Variants in CLOCK observed in about 807,000 individuals in gnomAD.
CLOCK encodes circadian locomoter output cycles protein kaput.
Under a neutral mutation model 118.4 loss-of-function variants are expected in CLOCK, and 43 were observed. The observed-to-expected ratio is 0.36, with a 90% CI of 0.28 to 0.47. CLOCK has a LOEUF of 0.47. Ranked by LOEUF, CLOCK falls within the 20% of genes least tolerant of loss-of-function variation. CLOCK has a pLI of 1.00. For synonymous variants in CLOCK, 326 were observed against 339.2 expected, an observed-to-expected ratio of 0.96 and a Z score of 0.43; for missense variants, 846 against 999.9, an observed-to-expected ratio of 0.85 and a Z score of 2.08.
chr4:55,545,794 AC>A (rs1731577974), intron 1 of CLOCK: 1 of 152,260 alleles, frequency 6.6e-6, no homozygotes, highest in African/African-American at 2.4e-5. Context: ...ACTCCAGAAA[AC>A]CCAGCTTCAC....
intron 1 of CLOCK, among the ~76,000 whole-genome samples, chr4:55,546,156 C>T (rs1731605994): frequency 6.6e-6 from 1 of 152,170 alleles, no homozygotes; most frequent in South Asian, 2.1e-4. Flanking sequence ...GTCACAAGGC[C>T]TAGCGGGTCC....
intron 1 of CLOCK, among the ~76,000 whole-genome samples, chr4:55,520,253 T>C (rs1373958064): frequency 6.6e-6 from 1 of 152,180 alleles, no homozygotes; most frequent in Non-Finnish European, 1.5e-5. Context: ...TCCTTAAAAT[T>C]ATCACTGCCC....
At chr4:55,539,660 G>T (rs748168947) in intron 1 of CLOCK, among the ~76,000 whole-genome samples, 1 of 150,924 alleles carries the variant, frequency 6.6e-6, no homozygotes, top group Non-Finnish European at 1.5e-5. Flanking sequence ...TACTAGGTAG[G>T]CCAGTATCAA....
At chr4:55,499,176 TG>T (rs11298088) in intron 2 of CLOCK, among the ~76,000 whole-genome samples, 140,966 of 152,190 alleles carry the variant, frequency 0.93, 65,416 homozygotes, top group East Asian at 1. Context: ...AGTTGTCAAC[TG>T]GCTTATGTTC....
At chr4:55,495,667 T>C (rs1728020023) in intron 2 of CLOCK, among the ~76,000 whole-genome samples, 1 of 152,114 alleles carries the variant, frequency 6.6e-6, no homozygotes, top group African/African-American at 2.4e-5. Context: ...GTACACAAAA[T>C]GATCCCCCAA....
chr4:55,439,343 A>G (rs538193903), intron 21 of CLOCK, among the ~76,000 whole-genome samples: 2 of 152,340 alleles, frequency 1.3e-5, no homozygotes, highest in East Asian at 3.9e-4. Flanking sequence ...GATGGCTATT[A>G]TAAAAAACAA....
chr4:55,449,165 C>T (rs1426354129), intron 17 of CLOCK, among the ~76,000 whole-genome samples: 1 of 86,958 alleles, frequency 1.1e-5, no homozygotes, highest in Non-Finnish European at 2.3e-5. Context: ...TTGAGCTTTC[C>T]ACAATTAAAA....
chr4:55,463,288 T>C (rs536074441), intron 9 of CLOCK, among the ~76,000 whole-genome samples: 6 of 152,166 alleles, frequency 3.9e-5, no homozygotes, highest in South Asian at 2.1e-4. Flanking sequence ...AAAAGAAACA[T>C]AGAAATTTTT....
chr4:55,504,825 T>C (rs1465597887), intron 2 of CLOCK, among the ~76,000 whole-genome samples: 2 of 152,202 alleles, frequency 1.3e-5, no homozygotes, highest in Admixed American at 6.5e-5. Flanking sequence ...TTCATTACCA[T>C]ATTACTATAA....
At chr4:55,486,718 C>T (rs11133389) in intron 3 of CLOCK, among the ~76,000 whole-genome samples, 46,243 of 152,022 alleles carry the variant, frequency 0.3, 7,639 homozygotes, top group East Asian at 0.58. Context: ...AGTGTGGTGT[C>T]AAGAAGTGCA....
At chr4:55,483,410 T>C (rs1253119481) in intron 3 of CLOCK, among the ~76,000 whole-genome samples, 1 of 152,246 alleles carries the variant, frequency 6.6e-6, no homozygotes, top group East Asian at 1.9e-4. Flanking sequence ...ACAGTAAGTC[T>C]GTCAGGGAGT....
chr4:55,479,695 C>A lies in CLOCK; in HGVS notation c.52G>T (p.Asp18Tyr). 1 of 1,612,668 alleles carries A rather than the reference C, an allele frequency of 6.2e-7. No homozygotes were observed. The highest frequency in any genetic ancestry group is 1.1e-5 in the South Asian group (1 of 91,014). The change falls in exon 5 of 23, where the codon GAC (aspartate) becomes TAC (tyrosine). Residue 18 changes from aspartate to tyrosine, a missense_variant. Transcript: ENST00000513440. ...ACCAACCCATCAAAAATACTACTGT[C>A]ATCTCTAAAAGAAAGCGGATAGAGA... ...SKMSSIVDRDDSSIFDGLVEE... is the reference protein window; with the variant it reads ...SKMSSIVDRDYSSIFDGLVEE...
intron 1 of CLOCK, among the ~76,000 whole-genome samples, chr4:55,514,898 A>G (rs917580159): frequency 6.6e-6 from 1 of 152,210 alleles, no homozygotes; most frequent in Middle Eastern, 3.2e-3. Flanking sequence ...GCCTCACAGA[A>G]TAAGTTAGAA....
At chr4:55,516,258 T>G (rs1729507962) in intron 1 of CLOCK, among the ~76,000 whole-genome samples, 1 of 152,214 alleles carries the variant, frequency 6.6e-6, no homozygotes, top group Non-Finnish European at 1.5e-5. Context: ...TTTTACTGGT[T>G]TTCTGCCCGC....
chr4:55,530,271 A>ATC (rs1263082085), intron 1 of CLOCK, among the ~76,000 whole-genome samples: 2 of 152,140 alleles, frequency 1.3e-5, no homozygotes, highest in Admixed American at 6.5e-5. Context: ...AGAAAATAAC[A>ATC]AGACAGAATA....
chr4:55,455,783 T>C (rs1188477039), intron 13 of CLOCK, 114 bp downstream of exon 13: 5 of 808,882 alleles, frequency 6.2e-6, no homozygotes, highest in Non-Finnish European at 1.1e-5. Flanking sequence ...TCTTTTAGCA[T>C]ATTTCAAAAA....
chr4:55,474,971 T>C (rs1248396066), intron 7 of CLOCK, among the ~76,000 whole-genome samples: 1 of 152,246 alleles, frequency 6.6e-6, no homozygotes, highest in African/African-American at 2.4e-5. Context: ...GGAATAATTT[T>C]GACTTTCAAG....
intron 1 of CLOCK, among the ~76,000 whole-genome samples, chr4:55,542,097 T>C (rs1334663463): frequency 2.0e-5 from 3 of 151,994 alleles, no homozygotes; most frequent in Admixed American, 6.6e-5. Flanking sequence ...TCCCAGCACT[T>C]TGGGAGGCCG....
At chr4:55,480,163 A>G (rs1200051024) in intron 4 of CLOCK, among the ~76,000 whole-genome samples, 1 of 152,258 alleles carries the variant, frequency 6.6e-6, no homozygotes, top group African/African-American at 2.4e-5. Flanking sequence ...TTCATTTACT[A>G]ATTCATTTGA....
Sources: gnomAD v4.1 joint callset for allele counts (sites outside exome capture counted in the v4.1 genomes callset) on GRCh38, gnomAD v4.1.1 for gene constraint, MANE v1.5 for transcripts, NCBI Gene and HGNC (gene_info 2026-07-23, HGNC 2026-07-21) for gene names.